The following KCNJ12 variants were observed in gnomAD, a reference collection of about 807,000 sequenced individuals.
KCNJ12 encodes potassium inwardly rectifying channel subfamily J member 12, also known as ATP-sensitive inward rectifier potassium channel 12.
KCNJ12 carries 2 observed loss-of-function variants against 22.3 expected under a neutral mutation model. That is an observed-to-expected ratio of 0.09 (90% CI 0.04 to 0.28). The LOEUF (loss-of-function observed/expected upper bound fraction) is 0.28, where lower values mean the gene tolerates loss of function less well. KCNJ12 is among the 10% of genes least tolerant of loss of function. The pLI is 1.00. For synonymous variants in KCNJ12, 117 were observed against 261.4 expected, an observed-to-expected ratio of 0.45 and a Z score of 5.33; for missense variants, 155 against 633.3, an observed-to-expected ratio of 0.24 and a Z score of 8.11.
chr17:21,379,650 C>T (rs1235083318), intron 1 of KCNJ12, among the ~76,000 whole-genome samples: 2 of 152,176 alleles, frequency 1.3e-5, no homozygotes, highest in African/African-American at 4.8e-5. Context: ...GGTGGGGGCT[C>T]AGCCCCACGG....
Position 21,419,575 on chromosome 17 carries a change from A to G in KCNJ12, c.*2931A>G, listed in dbSNP as rs1907032225. 6.0e-6 allele frequency: 1 copy of G among 167,190 alleles called. No homozygotes were observed. Among genetic ancestry groups the G allele is most frequent in the African/African-American group, 2.4e-5 (1 of 41,446 alleles). 10.4% of individuals were successfully genotyped at this position (167,190 alleles called of 1,614,324 possible). On this transcript the variant is annotated 3_prime_UTR_variant, in exon 3 of 3. Coordinates refer to ENST00000583088, the MANE Select transcript of KCNJ12 (RefSeq NM_021012.5). ...TGTGTGTGCCCATGTGAAACCGTGT[A>G]CTTGAGTGTGTGTCTGTGTGCAGCC...
intron 1 of KCNJ12, among the ~76,000 whole-genome samples, chr17:21,393,477 A>G (rs1449721843): frequency 6.6e-6 from 1 of 151,692 alleles, no homozygotes; most frequent in Non-Finnish European, 1.5e-5. Flanking sequence ...GTATGTCTCC[A>G]CTCTTGCTTA....
intron 1 of KCNJ12, among the ~76,000 whole-genome samples, chr17:21,404,413 C>A (rs1905811061): frequency 6.6e-6 from 1 of 152,276 alleles, no homozygotes; most frequent in East Asian, 1.9e-4. Context: ...TCCCGAGGGC[C>A]CAGCGAGTTG....
chr17:21,390,862 A>G (rs537770510), intron 1 of KCNJ12, among the ~76,000 whole-genome samples: 2 of 152,314 alleles, frequency 1.3e-5, no homozygotes, highest in African/African-American at 4.8e-5. Flanking sequence ...TGAACAATTC[A>G]GTGGTATTTA....
chr17:21,378,134 C>G (rs1362683375), intron 1 of KCNJ12, among the ~76,000 whole-genome samples: 1 of 152,210 alleles, frequency 6.6e-6, no homozygotes, highest in Non-Finnish European at 1.5e-5. Context: ...GCCTTCGCCC[C>G]CTCTGAGATG....
chr17:21,395,293 G>GAAAAAAAAAAAAAAAAAAAAAA (rs1161884090), intron 1 of KCNJ12, among the ~76,000 whole-genome samples: 1 of 55,658 alleles, frequency 1.8e-5, no homozygotes, highest in Non-Finnish European at 5.3e-5. Flanking sequence ...AGATCCTAAA[G>GAAAAAAAAAAAAAAAAAAAAAA]AAAAAAAAAA....
intron 1 of KCNJ12, among the ~76,000 whole-genome samples, chr17:21,404,489 C>T (rs1482807152): frequency 6.6e-6 from 1 of 152,276 alleles, no homozygotes. Flanking sequence ...GCGCCCAATG[C>T]TTCCTCTTCA....
At chr17:21,407,993 T>TCATCCATC (rs60311230) in intron 1 of KCNJ12, among the ~76,000 whole-genome samples, 3,127 of 134,548 alleles carry the variant, frequency 0.023, 50 homozygotes, top group African/African-American at 0.081. Flanking sequence ...CACCCATCCA[T>TCATCCATC]CATCCATCCA....
intron 1 of KCNJ12, among the ~76,000 whole-genome samples, chr17:21,397,674 A>T (rs562194618): frequency 2.8e-4 from 42 of 152,314 alleles, no homozygotes; most frequent in Admixed American, 5.2e-4. Context: ...GGTGTGGCCC[A>T]GAGTCCACTG....
chr17:21,385,291 C>T (rs910373394), intron 1 of KCNJ12, among the ~76,000 whole-genome samples: 2 of 152,202 alleles, frequency 1.3e-5, no homozygotes, highest in African/African-American at 4.8e-5. Flanking sequence ...TCAGATATAC[C>T]TGGTGCCCTT....
chr17:21,381,888 A>T (rs1034749789), intron 1 of KCNJ12, among the ~76,000 whole-genome samples: 8 of 152,232 alleles, frequency 5.3e-5, no homozygotes, highest in African/African-American at 1.2e-4. Context: ...CCCAGTAAAC[A>T]CAGAGAGTGA....
At chr17:21,389,327 C>T (rs1259618607) in intron 1 of KCNJ12, among the ~76,000 whole-genome samples, 2 of 152,216 alleles carry the variant, frequency 1.3e-5, no homozygotes, top group African/African-American at 4.8e-5. Context: ...TGAGCACTGT[C>T]GTGTGCTGGG....
intron 1 of KCNJ12, chr17:21,405,435 C>T (rs1224717601): frequency 9.2e-5 from 14 of 152,356 alleles, no homozygotes; most frequent in East Asian, 3.9e-4. Context: ...CCCAGAGACC[C>T]GCTGGGGCGA....
At chr17:21,387,971 T>C (rs1300447409) in intron 1 of KCNJ12, among the ~76,000 whole-genome samples, 1 of 152,000 alleles carries the variant, frequency 6.6e-6, no homozygotes, top group African/African-American at 2.4e-5. Context: ...GTGCACTGGG[T>C]CCCTTCCTTC....
chr17:21,418,461 G>T lies in KCNJ12; in HGVS notation c.*1817G>T, dbSNP rs1256317638. On this transcript the variant is annotated 3_prime_UTR_variant, in exon 3 of 3. Coordinates refer to ENST00000583088, the MANE Select transcript of KCNJ12 (RefSeq NM_021012.5). The stretch of plus-strand genomic sequence containing the variant: ...GTGCAGGAGACAGAGAGGGGCTGGG[G>T]GCGTGGGGTGGGGGTGTCTGCCTCT... 2 of 166,658 alleles carry T rather than the reference G, an allele frequency of 1.2e-5. No individual in the cohort carries two copies. The highest frequency in any genetic ancestry group is 2.9e-5 in the Non-Finnish European group (2 of 68,302). 10.3% of individuals were successfully genotyped at this position (166,658 alleles called of 1,614,324 possible).
intron 2 of KCNJ12, among the ~76,000 whole-genome samples, chr17:21,413,567 C>A (rs1457320021): frequency 6.6e-6 from 1 of 151,508 alleles, no homozygotes; most frequent in Admixed American, 6.6e-5. Context: ...TGCTGGAAGG[C>A]CCAGGTCTCC....
At chr17:21,382,935 G>A (rs1421636624) in intron 1 of KCNJ12, among the ~76,000 whole-genome samples, 1 of 152,248 alleles carries the variant, frequency 6.6e-6, no homozygotes, top group East Asian at 1.9e-4. Context: ...CACTGTGGGA[G>A]CGGGCAGCCT....
At chr17:21,392,233 C>T (rs1290411828) in intron 1 of KCNJ12, among the ~76,000 whole-genome samples, 2 of 152,228 alleles carry the variant, frequency 1.3e-5, no homozygotes, top group Non-Finnish European at 2.9e-5. Flanking sequence ...CACTGGACCA[C>T]TGGACCTACC....
At chr17:21,410,853 A>G (rs1465874845) in intron 2 of KCNJ12, among the ~76,000 whole-genome samples, 1 of 152,312 alleles carries the variant, frequency 6.6e-6, no homozygotes, top group Non-Finnish European at 1.5e-5. Context: ...TGGGGATAAT[A>G]ATCACAGTGT....
Sources: gnomAD v4.1 joint callset for allele counts (sites outside exome capture counted in the v4.1 genomes callset) on GRCh38, gnomAD v4.1.1 for gene constraint, MANE v1.5 for transcripts, NCBI Gene and HGNC (gene_info 2026-07-23, HGNC 2026-07-21) for gene names.